The following SCHIP1 variants were observed in gnomAD, a reference collection of about 807,000 sequenced individuals.
SCHIP1 encodes schwannomin interacting protein 1.
Under a neutral mutation model 29.7 loss-of-function variants are expected in SCHIP1, and 8 were observed. The observed-to-expected ratio is 0.27, with a 90% CI of 0.16 to 0.49. The LOEUF (loss-of-function observed/expected upper bound fraction) is 0.49, where lower values mean the gene tolerates loss of function less well. Ranked by LOEUF, SCHIP1 falls within the 20% of genes least tolerant of loss-of-function variation. The probability of loss-of-function intolerance (pLI) is 0.99; values close to 1 mark genes in which losing one functional copy is unlikely to be tolerated. For missense variants in SCHIP1, 193 were observed against 294.6 expected, an observed-to-expected ratio of 0.66 and a Z score of 2.52; for synonymous variants, 76 against 94.9, an observed-to-expected ratio of 0.80 and a Z score of 1.16.
chr3:159,713,278 AAGAAAGAAAAAAG>A, the SCHIP1 span, among the ~76,000 whole-genome samples: 1 of 151,590 alleles, frequency 6.6e-6, no homozygotes, highest in Non-Finnish European at 1.5e-5. Context: ...GAAAGAAAGA[AAGAAAGAAAAAAG>A]AAAAGAAAGA....
chr3:159,715,683 G>A, the SCHIP1 span, among the ~76,000 whole-genome samples: 1 of 152,146 alleles, frequency 6.6e-6, no homozygotes, highest in Non-Finnish European at 1.5e-5. Context: ...GAAATGAAGT[G>A]AGAAGAGAAG....
chr3:159,743,755 G>A, the SCHIP1 span, among the ~76,000 whole-genome samples: 1 of 152,160 alleles, frequency 6.6e-6, no homozygotes, highest in African/African-American at 2.4e-5. Context: ...TATCTTGACT[G>A]TGTCGATGTC....
At chr3:159,876,299 A>G (rs1715800730) in intron 2 of SCHIP1, among the ~76,000 whole-genome samples, 1 of 152,200 alleles carries the variant, frequency 6.6e-6, no homozygotes, top group African/African-American at 2.4e-5. Flanking sequence ...TTCACTAGGC[A>G]GGCAGTGTAG....
chr3:159,399,050 G>A, the SCHIP1 span: 10 of 481,436 alleles, frequency 2.1e-5, no homozygotes, highest in Non-Finnish European at 2.4e-5. Context: ...CTCCCCTCCA[G>A]CTACACTGGC....
At chr3:159,423,071 GA>G in the SCHIP1 span, among the ~76,000 whole-genome samples, 4 of 152,224 alleles carry the variant, frequency 2.6e-5, no homozygotes, top group African/African-American at 9.6e-5. Flanking sequence ...ATGGCAGGGG[GA>G]GGAGCCAAGA....
the SCHIP1 span, among the ~76,000 whole-genome samples, chr3:159,510,347 G>T: frequency 6.6e-6 from 1 of 152,036 alleles, no homozygotes; most frequent in Non-Finnish European, 1.5e-5. Context: ...CTCTGCATTG[G>T]TTATTCTAGT....
At chr3:159,887,768 G>A (rs767905107) in exon 4 of SCHIP1, 1 of 1,613,942 alleles carries the variant, frequency 6.2e-7, no homozygotes, top group East Asian at 2.2e-5. Context: ...TGAATCCTTG[G>A]ATGACATGGA....
At chr3:159,644,452 T>A in the SCHIP1 span, among the ~76,000 whole-genome samples, 1 of 152,034 alleles carries the variant, frequency 6.6e-6, no homozygotes, top group East Asian at 1.9e-4. Flanking sequence ...GTCCAGGTTA[T>A]CTGTAATTCT....
chr3:159,562,332 G>A, the SCHIP1 span, among the ~76,000 whole-genome samples: 1 of 152,316 alleles, frequency 6.6e-6, no homozygotes, highest in Non-Finnish European at 1.5e-5. Context: ...GCTGAGGAAA[G>A]TATAGTTTGT....
At chr3:159,278,847 T>C in the SCHIP1 span, among the ~76,000 whole-genome samples, 1 of 152,138 alleles carries the variant, frequency 6.6e-6, no homozygotes, top group Non-Finnish European at 1.5e-5. Context: ...TAGGCATCAG[T>C]ACTGAAAGGG....
intron 6 of SCHIP1, among the ~76,000 whole-genome samples, chr3:159,895,797 G>A (rs1348147023): frequency 1.3e-5 from 2 of 152,226 alleles, no homozygotes; most frequent in African/African-American, 4.8e-5. Flanking sequence ...CCGGGTTCAA[G>A]CAATTTTCCT....
the SCHIP1 span, among the ~76,000 whole-genome samples, chr3:159,595,035 C>T: frequency 0.044 from 6,647 of 152,158 alleles, 315 homozygotes; most frequent in African/African-American, 0.12. Flanking sequence ...AATCACCCAG[C>T]GAGTGACAAA....
the SCHIP1 span, among the ~76,000 whole-genome samples, chr3:159,797,761 G>A: frequency 1.3e-5 from 2 of 152,130 alleles, no homozygotes; most frequent in Non-Finnish European, 2.9e-5. Context: ...TTTTAGTAGA[G>A]ATGGGGTAAG....
intron 1 of SCHIP1, among the ~76,000 whole-genome samples, chr3:159,844,476 C>T (rs1711536649): frequency 6.6e-6 from 1 of 152,194 alleles, no homozygotes; most frequent in Non-Finnish European, 1.5e-5. Context: ...TTTATGTTAG[C>T]AAAGAGGTTA....
chr3:159,546,555 A>G, the SCHIP1 span, among the ~76,000 whole-genome samples: 1 of 152,014 alleles, frequency 6.6e-6, no homozygotes, highest in Non-Finnish European at 1.5e-5. Context: ...TATTTGTCCT[A>G]AAGCTATCCT....
At chr3:159,307,386 G>A in the SCHIP1 span, among the ~76,000 whole-genome samples, 20 of 152,278 alleles carry the variant, frequency 1.3e-4, 1 homozygote, top group East Asian at 2.9e-3. Flanking sequence ...GGGACTAAAT[G>A]AGCAACTATG....
At chr3:159,667,531 G>A in the SCHIP1 span, among the ~76,000 whole-genome samples, 1 of 152,218 alleles carries the variant, frequency 6.6e-6, no homozygotes, top group Non-Finnish European at 1.5e-5. Flanking sequence ...TGGTGTGCAT[G>A]GTGGGTGACA....
the SCHIP1 span, among the ~76,000 whole-genome samples, chr3:159,743,189 G>A: frequency 1.3e-5 from 2 of 152,186 alleles, no homozygotes; most frequent in Non-Finnish European, 2.9e-5. Context: ...AGTTGCTCTA[G>A]TGTTTGTCAT....
the SCHIP1 span, among the ~76,000 whole-genome samples, chr3:159,414,531 A>G: frequency 6.6e-6 from 1 of 152,118 alleles, no homozygotes; most frequent in African/African-American, 2.4e-5. Context: ...TATATTCACA[A>G]TTTTTACTGT....
Sources: gnomAD v4.1 joint callset for allele counts (sites outside exome capture counted in the v4.1 genomes callset) on GRCh38, gnomAD v4.1.1 for gene constraint, MANE v1.5 for transcripts, NCBI Gene and HGNC (gene_info 2026-07-23, HGNC 2026-07-21) for gene names.